DYM: variants seen among roughly 807,000 people sequenced by gnomAD.
The protein encoded by DYM is dymeclin.
A neutral mutation model predicts 93.1 loss-of-function variants in DYM; 78 were observed. The observed-to-expected ratio is 0.84, with a 90% confidence interval of 0.70 to 1.01. The LOEUF is 1.01. Among genes scored for constraint, DYM ranks in the 50% least tolerant of loss-of-function variants. DYM has a pLI of 0.00. For synonymous variants in DYM, 321 were observed against 319.7 expected (o/e 1.00, Z -0.04); for missense variants, 789 against 845.0 (o/e 0.93, Z 0.82).
At chr18:49,289,446 A>G (rs2059894684) in intron 8 of DYM, among the ~76,000 whole-genome samples, 1 of 148,786 alleles carries the variant, frequency 6.7e-6, no homozygotes, top group South Asian at 2.1e-4. Flanking sequence ...ATCCAAAATT[A>G]AAATGGGCAA....
At chr18:49,445,995 G>A (rs1438769451) in intron 1 of DYM, among the ~76,000 whole-genome samples, 1 of 151,912 alleles carries the variant, frequency 6.6e-6, no homozygotes, top group Non-Finnish European at 1.5e-5. Flanking sequence ...TAGAAATAGG[G>A]GAAGGAAAGG....
chr18:49,239,493 T>C (rs1598840776), intron 13 of DYM, among the ~76,000 whole-genome samples: 1 of 152,226 alleles, frequency 6.6e-6, no homozygotes, highest in Non-Finnish European at 1.5e-5. Flanking sequence ...TGGGCTGGTC[T>C]CGTGACCTGC....
chr18:49,404,077 G>A (rs542952651), intron 2 of DYM, among the ~76,000 whole-genome samples: 23 of 151,768 alleles, frequency 1.5e-4, no homozygotes, highest in African/African-American at 2.2e-4. Flanking sequence ...GCACAATCTC[G>A]GCTCACTGCA....
At position 49,038,389 on chromosome 18, in the gene DYM, A is replaced by C. The variant is rs1243995046; in HGVS notation, c.*5666T>G. The stretch of plus-strand genomic sequence containing the variant: ...GAGTTTATATTTTAAGTGCATATAA[A>C]TTTAGATTATCTTTCTAGTAATTGA... On this transcript the variant is annotated 3_prime_UTR_variant, in exon 18 of 18. Coordinates refer to ENST00000675505, the MANE Select transcript of DYM (RefSeq NM_001353214.3). Among the ~76,000 whole-genome samples, 1 of 152,194 alleles carries C rather than the reference A, an allele frequency of 6.6e-6. No individual in the cohort carries two copies. The highest frequency in any genetic ancestry group is 1.5e-5 in the Non-Finnish European group (1 of 68,034).
chr18:49,326,281 A>G (rs946114952), intron 8 of DYM, among the ~76,000 whole-genome samples: 7 of 152,140 alleles, frequency 4.6e-5, no homozygotes, highest in Non-Finnish European at 1.0e-4. Context: ...TTCTTTTTCC[A>G]TTTTGTCAGC....
At chr18:49,366,429 C>G (rs1282675643) in intron 5 of DYM, among the ~76,000 whole-genome samples, 3 of 152,174 alleles carry the variant, frequency 2.0e-5, no homozygotes, top group Non-Finnish European at 2.9e-5. Context: ...TGCAAAGATT[C>G]AGTGTGTTTA....
chr18:49,360,599 G>A (rs1030411640), intron 6 of DYM, among the ~76,000 whole-genome samples: 2 of 151,692 alleles, frequency 1.3e-5, no homozygotes, highest in East Asian at 3.9e-4. Flanking sequence ...TCTAGCCTGG[G>A]TGACAGAGTA....
intron 8 of DYM, among the ~76,000 whole-genome samples, chr18:49,309,818 A>G (rs1460061829): frequency 6.6e-6 from 1 of 152,228 alleles, no homozygotes; most frequent in Non-Finnish European, 1.5e-5. Flanking sequence ...AAAAAGGTTA[A>G]GAAACACTGG....
chr18:49,446,024 C>T (rs1035837163), intron 1 of DYM, among the ~76,000 whole-genome samples: 1 of 152,122 alleles, frequency 6.6e-6, no homozygotes, highest in African/African-American at 2.4e-5. Context: ...CCCCACCTAC[C>T]ATAACAAGAA....
intron 17 of DYM, among the ~76,000 whole-genome samples, chr18:49,081,590 C>T (rs2078044398): frequency 6.7e-6 from 1 of 150,308 alleles, no homozygotes; most frequent in African/African-American, 2.5e-5. Context: ...AGATTCTTGT[C>T]TGGGCTAGAA....
intron 14 of DYM, among the ~76,000 whole-genome samples, chr18:49,208,182 C>CAA (rs138264681): frequency 0.24 from 13,874 of 57,894 alleles, 1,363 homozygotes; most frequent in East Asian, 0.37. Flanking sequence ...GACTCCATCT[C>CAA]AAAAAAAAAA....
chr18:49,071,640 C>T (rs1049316992), intron 17 of DYM, among the ~76,000 whole-genome samples: 3 of 152,222 alleles, frequency 2.0e-5, no homozygotes, highest in African/African-American at 7.2e-5. Context: ...TCAAGGGTAA[C>T]AGGCTCACTG....
chr18:49,225,110 A>T (rs1019202595), intron 13 of DYM, among the ~76,000 whole-genome samples: 10 of 152,168 alleles, frequency 6.6e-5, no homozygotes, highest in South Asian at 4.1e-4. Flanking sequence ...TGAATGTAAG[A>T]CTTCCTGAGA....
intron 8 of DYM, among the ~76,000 whole-genome samples, chr18:49,324,049 C>T (rs926605627): frequency 7.3e-6 from 1 of 136,312 alleles, no homozygotes; most frequent in South Asian, 2.4e-4. Flanking sequence ...GCACGACAAT[C>T]GCTTGAGCCT....
intron 6 of DYM, among the ~76,000 whole-genome samples, chr18:49,339,254 G>A (rs754152915): frequency 5.3e-5 from 8 of 152,146 alleles, no homozygotes; most frequent in Non-Finnish European, 8.8e-5. Flanking sequence ...GCGTGCATGC[G>A]CACGTGCCAA....
At chr18:49,390,473 T>C (rs1014312835) in intron 3 of DYM, among the ~76,000 whole-genome samples, 1 of 151,736 alleles carries the variant, frequency 6.6e-6, no homozygotes, top group African/African-American at 2.4e-5. Flanking sequence ...TTTAGCAAAA[T>C]AGTTTATATG....
At chr18:49,110,838 T>C (rs145560106) in intron 16 of DYM, among the ~76,000 whole-genome samples, 4 of 152,336 alleles carry the variant, frequency 2.6e-5, no homozygotes, top group African/African-American at 4.8e-5. Context: ...TATATGTATA[T>C]TGAATCATCT....
intron 15 of DYM, 54 bp from the exon 16 acceptor site, chr18:49,118,980 G>A (rs2082149355): frequency 8.8e-6 from 13 of 1,474,354 alleles, no homozygotes; most frequent in Non-Finnish European, 1.0e-5. Context: ...CCTTGCAACA[G>A]AATTAATGAA....
chr18:49,243,676 AAAAAAG>A (rs2094090976), intron 13 of DYM, among the ~76,000 whole-genome samples: 1 of 151,234 alleles, frequency 6.6e-6, no homozygotes, highest in Non-Finnish European at 1.5e-5. Context: ...CAAAAAAAAA[AAAAAAG>A]AAAAAAGAAA....
Sources: gnomAD v4.1 joint callset for allele counts (sites outside exome capture counted in the v4.1 genomes callset) on GRCh38, gnomAD v4.1.1 for gene constraint, MANE v1.5 for transcripts, NCBI Gene and HGNC (gene_info 2026-07-23, HGNC 2026-07-21) for gene names.